RAD51B: variants seen among roughly 807,000 people sequenced by gnomAD.
The protein encoded by RAD51B is DNA repair protein RAD51 homolog 2.
A neutral mutation model predicts 42.2 loss-of-function variants in RAD51B; 38 were observed. The observed-to-expected ratio is 0.90, with a 90% CI of 0.70 to 1.18. The LOEUF (loss-of-function observed/expected upper bound fraction) is 1.18. Ranked by LOEUF, RAD51B falls within the 50% of genes most tolerant of loss-of-function variation. The pLI, the probability that RAD51B is intolerant of heterozygous loss-of-function variation, is 0.00. For synonymous variants in RAD51B, 154 were observed against 145.2 expected (o/e 1.06, Z -0.43); for missense variants, 373 against 400.7 (o/e 0.93, Z 0.59).
At chr14:68,323,369 T>G (rs2082191260) in intron 8 of RAD51B, among the ~76,000 whole-genome samples, 3 of 152,210 alleles carry the variant, frequency 2.0e-5, no homozygotes, top group Non-Finnish European at 2.9e-5. Context: ...GTGCTTATTA[T>G]GTACTGGATA....
intron 10 of RAD51B, among the ~76,000 whole-genome samples, chr14:68,557,153 G>T (rs1888895906): frequency 6.6e-6 from 1 of 152,092 alleles, no homozygotes; most frequent in South Asian, 2.1e-4. Flanking sequence ...ATGTACATGG[G>T]TTAGCTGTTG....
chr14:68,011,960 C>T (rs2075691599), intron 7 of RAD51B, among the ~76,000 whole-genome samples: 1 of 152,060 alleles, frequency 6.6e-6, no homozygotes, highest in Admixed American at 6.6e-5. Context: ...TTTTATCAAT[C>T]ACACTGGGCT....
At chr14:68,521,029 G>A (rs1373580320) in intron 10 of RAD51B, among the ~76,000 whole-genome samples, 4 of 152,148 alleles carry the variant, frequency 2.6e-5, no homozygotes, top group Non-Finnish European at 4.4e-5. Flanking sequence ...GTACTTGAAA[G>A]GGAGATGTCA....
rs184314300 is a variant in RAD51B at position 68,457,681 on chromosome 14, C to A, written c.958-10491C>A. On this transcript the variant is annotated intron_variant, in intron 9 of 10. Coordinates refer to ENST00000471583, the MANE Select transcript of RAD51B (RefSeq NM_133510.4). ...TGACACAATCTCAGCTCACTGCAAC[C>A]TCCACCTCCTGGGTTCAAGCGATTC... Among the ~76,000 whole-genome samples, 47 of 152,102 alleles carry A rather than the reference C, an allele frequency of 3.1e-4. 1 individual carries two copies. The East Asian group carries it at 8.7e-3, about 28-fold the overall frequency.
intron 7 of RAD51B, among the ~76,000 whole-genome samples, chr14:68,070,908 C>T (rs1475158130): frequency 6.6e-6 from 1 of 151,610 alleles, no homozygotes; most frequent in African/African-American, 2.4e-5. Flanking sequence ...TTCTTCTTAT[C>T]AATGAGGATG....
intron 10 of RAD51B, among the ~76,000 whole-genome samples, chr14:68,628,686 G>C (rs1263756352): frequency 6.6e-6 from 1 of 152,156 alleles, no homozygotes; most frequent in Non-Finnish European, 1.5e-5. Flanking sequence ...GCTGAGTCGC[G>C]GGCGTGGAGG....
chr14:67,843,710 G>T (rs1426982048), intron 4 of RAD51B, among the ~76,000 whole-genome samples: 3 of 132,658 alleles, frequency 2.3e-5, no homozygotes, highest in African/African-American at 8.6e-5. Flanking sequence ...TATCACCTTT[G>T]TCATTTCTGA....
intron 7 of RAD51B, among the ~76,000 whole-genome samples, chr14:67,957,603 A>G (rs1379809338): frequency 6.6e-6 from 1 of 152,218 alleles, no homozygotes; most frequent in East Asian, 1.9e-4. Context: ...TTGATGGAGA[A>G]TGATAGTACC....
chr14:68,447,735 T>C (rs888876502), intron 9 of RAD51B, among the ~76,000 whole-genome samples: 2 of 152,108 alleles, frequency 1.3e-5, no homozygotes, highest in African/African-American at 2.4e-5. Flanking sequence ...CCATGACCTT[T>C]TTTTTTTTAA....
At chr14:68,303,980 G>A (rs1235566243) in intron 8 of RAD51B, among the ~76,000 whole-genome samples, 1 of 152,104 alleles carries the variant, frequency 6.6e-6, no homozygotes, top group Non-Finnish European at 1.5e-5. Flanking sequence ...GACCAGCCTG[G>A]ACAACATGGC....
intron 10 of RAD51B, among the ~76,000 whole-genome samples, chr14:68,638,604 G>A (rs774444748): frequency 1.3e-5 from 2 of 151,418 alleles, no homozygotes; most frequent in Admixed American, 1.3e-4. Flanking sequence ...AGGGGAGCTG[G>A]CATCCACTTT....
At chr14:68,246,125 C>T (rs2080492752) in intron 7 of RAD51B, among the ~76,000 whole-genome samples, 1 of 152,012 alleles carries the variant, frequency 6.6e-6, no homozygotes, top group Non-Finnish European at 1.5e-5. Flanking sequence ...GAAATGTTAG[C>T]TCCCAGGAAC....
chr14:68,616,909 C>G (rs1192385769), intron 10 of RAD51B, among the ~76,000 whole-genome samples: 1 of 151,988 alleles, frequency 6.6e-6, no homozygotes, highest in Non-Finnish European at 1.5e-5. Context: ...CCTTTCATTT[C>G]AGATATTGTC....
chr14:68,672,702 A>G (rs965613832), intron 11 of RAD51B, among the ~76,000 whole-genome samples: 2 of 152,200 alleles, frequency 1.3e-5, no homozygotes, highest in African/African-American at 4.8e-5. Context: ...AACAAATTGC[A>G]AACAGCTACA....
intron 8 of RAD51B, among the ~76,000 whole-genome samples, chr14:68,296,607 T>G (rs2081618661): frequency 6.6e-6 from 1 of 152,160 alleles, no homozygotes; most frequent in South Asian, 2.1e-4. Flanking sequence ...CAGAACCAGA[T>G]GAGTGCCCAC....
At chr14:68,170,857 A>G (rs2078858526) in intron 7 of RAD51B, among the ~76,000 whole-genome samples, 1 of 152,206 alleles carries the variant, frequency 6.6e-6, no homozygotes, top group Non-Finnish European at 1.5e-5. Flanking sequence ...TTTTATTCTC[A>G]TTTCTGAACA....
In RAD51B at chr14:68,416,430, C is replaced by G. The variant is rs147093581; in HGVS notation, c.957+4903C>G. Among the ~76,000 whole-genome samples the G allele has an allele frequency of 1.0e-2, 1,516 of 152,206 alleles. 24 individuals are homozygous for G. The highest frequency in any genetic ancestry group is 0.034 in the African/African-American group (1,406 of 41,532). On this transcript the variant is annotated intron_variant, in intron 9 of 10. Transcript: ENST00000471583. ...ATAACTGAATTTATCTGCATACCCT[C>G]AAATGTAAGGGCAGTGCTTGACACT...
intron 8 of RAD51B, among the ~76,000 whole-genome samples, chr14:68,345,684 T>C (rs544112079): frequency 2.7e-5 from 4 of 148,886 alleles, no homozygotes; most frequent in African/African-American, 9.9e-5. Context: ...TGAGACAGAG[T>C]ATTGCTCTGT....
chr14:68,522,180 G>A (rs572265042), intron 10 of RAD51B, among the ~76,000 whole-genome samples: 8 of 152,290 alleles, frequency 5.3e-5, no homozygotes, highest in Admixed American at 2.0e-4. Context: ...AAGCAAATCC[G>A]TGTTCTGGTT....
Sources: allele counts gnomAD v4.1 joint callset (sites outside exome capture counted in the v4.1 genomes callset), GRCh38; gene constraint gnomAD v4.1.1; transcripts MANE v1.5; gene names NCBI Gene and HGNC (gene_info 2026-07-23, HGNC 2026-07-21).